Variants in SLC22A16 observed in about 807,000 individuals in gnomAD.
SLC22A16 encodes the protein WUGSC:RG331P03.1.
In SLC22A16, 53 loss-of-function variants were observed where a neutral mutation model predicts 52.9. The observed-to-expected ratio is 1.00, with a 90% CI of 0.80 to 1.26. SLC22A16 has a LOEUF of 1.26. Ranked by LOEUF, SLC22A16 falls within the 50% of genes most tolerant of loss-of-function variation. The pLI, the probability that SLC22A16 is intolerant of heterozygous loss-of-function variation, is 0.00. For synonymous variants in SLC22A16, 291 were observed against 268.8 expected, an observed-to-expected ratio of 1.08 and a Z score of -0.81; for missense variants, 726 against 704.0, an observed-to-expected ratio of 1.03 and a Z score of -0.35.
intron 3 of SLC22A16, among the ~76,000 whole-genome samples, chr6:110,443,791 A>G (rs1043355791): frequency 6.6e-6 from 1 of 152,252 alleles, no homozygotes; most frequent in Admixed American, 6.5e-5. Flanking sequence ...GGGTCCGTCC[A>G]TAGATGAATA....
chr6:110,439,928 G>A (rs1360551494), intron 4 of SLC22A16: 2 of 152,204 alleles, frequency 1.3e-5, no homozygotes, highest in Non-Finnish European at 2.9e-5. Flanking sequence ...ACACTTGAAG[G>A]TTGAGAGGTG....
At chr6:110,458,663 T>C (rs1246200634) in intron 1 of SLC22A16, among the ~76,000 whole-genome samples, 2 of 152,204 alleles carry the variant, frequency 1.3e-5, no homozygotes, top group African/African-American at 4.8e-5. Context: ...GAGATTAGCG[T>C]ATGAATCAGT....
chr6:110,438,785 T>C lies in SLC22A16; in HGVS notation c.1246A>G (p.Thr416Ala), dbSNP rs1445337512. 8.1e-6 allele frequency: 13 copies of C among 1,614,102 alleles called. No homozygotes were observed. ...CIAMDKVGRRTVLAYSLFCSA... is the reference protein window; with the variant it reads ...CIAMDKVGRRAVLAYSLFCSA... ...CAGAAAAGAGAGTAGGCCAGGACTG[T>C]TCTCCTCCCGACCTTGTCCATGGCG... Residue 416 changes from threonine to alanine, a missense_variant, in exon 5 of 8, where the codon ACA becomes GCA. By Grantham distance (58) the Thr-to-Ala change is moderately conservative. Transcript: ENST00000368919.
chr6:110,431,428 G>C (rs899385065), intron 6 of SLC22A16, among the ~76,000 whole-genome samples, 158 bp from the exon 7 acceptor site: 1 of 152,202 alleles, frequency 6.6e-6, no homozygotes, highest in African/African-American at 2.4e-5. Context: ...GGCCCCGCGA[G>C]ATTATAATAG....
rs566241721 is a variant in SLC22A16 at position 110,425,219 on chromosome 6, G to A, written c.1522-134C>T. 56 of 1,517,670 alleles carry A rather than the reference G, an allele frequency of 3.7e-5. No homozygotes were observed. The African/African-American group carries it at 4.9e-4, about 13-fold the overall frequency. The allele number at this position is 1,517,670 out of a possible 1,614,324, so 94.0% of individuals were successfully genotyped here. ...ATAACAGTTGTCACTGTGATTACTC[G>A]GTGAGATCTTTGGTTACTTGTGCTG... On this transcript the variant is annotated intron_variant, in intron 7 of 7. Coordinates refer to ENST00000368919, the MANE Select transcript of SLC22A16 (RefSeq NM_033125.4).
intron 6 of SLC22A16, among the ~76,000 whole-genome samples, chr6:110,432,017 A>G (rs1774526224): frequency 1.3e-5 from 2 of 152,134 alleles, no homozygotes; most frequent in Non-Finnish European, 1.5e-5. Flanking sequence ...TCAACTTTTT[A>G]GAGTCAAGGA....
chr6:110,429,281 G>GAC (rs957593771), intron 7 of SLC22A16, among the ~76,000 whole-genome samples: 1 of 152,154 alleles, frequency 6.6e-6, no homozygotes, highest in Admixed American at 6.5e-5. Context: ...GTCAGTCTGA[G>GAC]AAAGTGGCTG....
intron 2 of SLC22A16, among the ~76,000 whole-genome samples, chr6:110,450,149 A>C (rs939019275): frequency 1.3e-5 from 2 of 151,644 alleles, no homozygotes; most frequent in African/African-American, 4.9e-5. Context: ...TTCCATGTGA[A>C]CTTTCTATGC....
At chr6:110,425,467 T>A in intron 7 of SLC22A16, 1 of 1,257,794 alleles carries the variant, frequency 8.0e-7, no homozygotes, top group South Asian at 1.3e-5. Flanking sequence ...GAGCCCTGGG[T>A]CAGGACATGC....
At chr6:110,442,954 C>G (rs553508902) in intron 3 of SLC22A16, among the ~76,000 whole-genome samples, 179 bp from the exon 4 acceptor site, 2 of 152,064 alleles carry the variant, frequency 1.3e-5, no homozygotes, top group Non-Finnish European at 2.9e-5. Flanking sequence ...CTTATAGGTC[C>G]TTTCATCTTC....
At position 110,424,820 on chromosome 6, in the gene SLC22A16, A is replaced by C; in HGVS notation, c.*53T>G. On this transcript the variant is annotated 3_prime_UTR_variant, in exon 8 of 8. Coordinates refer to ENST00000368919, the MANE Select transcript of SLC22A16 (RefSeq NM_033125.4). ...GATGAGAATAAGATTCCTCTAATAC[A>C]AAGGCATTAGGGTAAATAATATTTC... 3.8e-6 allele frequency: 6 copies of C among 1,591,374 alleles called. No homozygotes were observed. In the South Asian group the frequency reaches 5.6e-5, roughly 15 times the overall value.
chr6:110,446,277 G>T (rs1562286846), intron 3 of SLC22A16, among the ~76,000 whole-genome samples: 1 of 152,128 alleles, frequency 6.6e-6, no homozygotes, highest in Non-Finnish European at 1.5e-5. Context: ...TTGTAATCAG[G>T]TGCTGTACTG....
At chr6:110,457,973 A>G (rs1253442088) in intron 1 of SLC22A16, among the ~76,000 whole-genome samples, 2 of 152,154 alleles carry the variant, frequency 1.3e-5, no homozygotes, top group African/African-American at 4.8e-5. Flanking sequence ...GCCTGCCTGC[A>G]GTTATCTGGA....
At chr6:110,434,190 G>A (rs1774623155) in intron 6 of SLC22A16, among the ~76,000 whole-genome samples, 1 of 152,142 alleles carries the variant, frequency 6.6e-6, no homozygotes, top group African/African-American at 2.4e-5. Flanking sequence ...AGTGAGCCAA[G>A]ATCACACCAT....
chr6:110,434,671 G>A (rs1774647728), intron 6 of SLC22A16, among the ~76,000 whole-genome samples: 1 of 152,288 alleles, frequency 6.6e-6, no homozygotes, highest in African/African-American at 2.4e-5. Flanking sequence ...AGAGTCACCT[G>A]CAGACTTGTT....
chr6:110,433,376 A>G (rs1774585784), intron 6 of SLC22A16, among the ~76,000 whole-genome samples: 1 of 152,148 alleles, frequency 6.6e-6, no homozygotes, highest in African/African-American at 2.4e-5. Context: ...ATCCTGGTCC[A>G]CAGGGCTGCC....
chr6:110,436,643 T>C (rs948172465), intron 5 of SLC22A16, among the ~76,000 whole-genome samples: 5 of 152,086 alleles, frequency 3.3e-5, no homozygotes, highest in African/African-American at 1.2e-4. Context: ...TCTATTTACT[T>C]TTCTTAAAAA....
chr6:110,445,498 G>T (rs2114949553), intron 3 of SLC22A16, among the ~76,000 whole-genome samples: 1 of 152,242 alleles, frequency 6.6e-6, no homozygotes. Flanking sequence ...TCTGTAGACA[G>T]ATCAATAAAT....
intron 2 of SLC22A16, among the ~76,000 whole-genome samples, chr6:110,451,317 G>A (rs993704057): frequency 1.3e-5 from 2 of 152,174 alleles, no homozygotes; most frequent in Admixed American, 6.5e-5. Flanking sequence ...CATGCTCAGG[G>A]TATATGCCCC....
Sources: allele counts gnomAD v4.1 joint callset (sites outside exome capture counted in the v4.1 genomes callset), GRCh38; gene constraint gnomAD v4.1.1; transcripts MANE v1.5; gene names NCBI Gene and HGNC (gene_info 2026-07-23, HGNC 2026-07-21).